IQSEC1: variants seen among roughly 807,000 people sequenced by gnomAD.
IQSEC1 encodes the protein IQ motif and SEC7 domain-containing protein 1.
A neutral mutation model predicts 91.0 loss-of-function variants in IQSEC1; 31 were observed. That is an observed-to-expected ratio of 0.34 (90% CI 0.26 to 0.46). The LOEUF (loss-of-function observed/expected upper bound fraction) is 0.46. Among genes scored for constraint, IQSEC1 ranks in the 20% least tolerant of loss-of-function variants. IQSEC1 has a pLI of 1.00. For missense variants in IQSEC1, 1,388 were observed against 1,575.6 expected, an observed-to-expected ratio of 0.88 and a Z score of 2.02; for synonymous variants, 699 against 662.6, an observed-to-expected ratio of 1.05 and a Z score of -0.84.
At position 12,967,588 on chromosome 3, in the gene IQSEC1, C is replaced by T; in HGVS notation, c.24-25723G>A. On this transcript the variant is annotated intron_variant, in intron 1 of 13. Coordinates refer to ENST00000613206, the MANE Select transcript of IQSEC1 (RefSeq NM_001134382.3). The surrounding 1 kb of genome is among the most constrained non-coding windows in gnomAD (Gnocchi z 5.9). ...GAGACCCGACCACCCGCCACGCGAT[C>T]ACGTCGGGGCTCCTGGTCCAGCGTC... 7.8e-7 allele frequency: 1 copy of T among 1,284,702 alleles called. No homozygotes were observed. The highest frequency in any genetic ancestry group is 9.8e-7 in the Non-Finnish European group (1 of 1,019,472). The allele number at this position is 1,284,702 out of a possible 1,614,324, so 79.6% of individuals were successfully genotyped here.
intron 2 of IQSEC1, among the ~76,000 whole-genome samples, chr3:13,114,088 A>T (rs1706296397): frequency 6.6e-6 from 1 of 152,252 alleles, no homozygotes; most frequent in Admixed American, 6.5e-5. Context: ...TTCTGGAAGG[A>T]AATGCTCCAG....
intron 2 of IQSEC1, among the ~76,000 whole-genome samples, chr3:13,110,741 C>T (rs1377423778): frequency 6.6e-6 from 1 of 152,228 alleles, no homozygotes; most frequent in Non-Finnish European, 1.5e-5. Flanking sequence ...GGCTGCTGAG[C>T]ATCTGCAAGA....
intron 1 of IQSEC1, among the ~76,000 whole-genome samples, chr3:13,194,589 A>G (rs1205474786): frequency 6.6e-6 from 1 of 152,166 alleles, no homozygotes; most frequent in East Asian, 1.9e-4. Flanking sequence ...GCATGTAGTT[A>G]ACATGTAAGG....
chr3:12,946,323 C>T (rs765651102), intron 1 of IQSEC1, among the ~76,000 whole-genome samples: 4 of 152,200 alleles, frequency 2.6e-5, no homozygotes, highest in South Asian at 2.1e-4. Flanking sequence ...TCCTTAACTG[C>T]GCCTCTGAAT....
chr3:12,918,579 G>C (rs1337096573), intron 6 of IQSEC1, among the ~76,000 whole-genome samples: 2 of 152,172 alleles, frequency 1.3e-5, no homozygotes, highest in Non-Finnish European at 2.9e-5. Context: ...ACTTTGGGAG[G>C]CCAGGGTGGG....
At chr3:12,917,950 G>A (rs1696264141) in intron 6 of IQSEC1, among the ~76,000 whole-genome samples, 1 of 152,356 alleles carries the variant, frequency 6.6e-6, no homozygotes, top group African/African-American at 2.4e-5. Context: ...GGACCCACTG[G>A]ACAAACTGCG....
rs1043531544 is a variant in IQSEC1 at position 12,940,928 on chromosome 3, C to T, written c.318+643G>A. 6.6e-6 allele frequency among the ~76,000 whole-genome samples: 1 copy of T among 152,174 alleles called. No individual in the cohort carries two copies. Among genetic ancestry groups the T allele is most frequent in the Non-Finnish European group, 1.5e-5 (1 of 68,020 alleles). Reference sequence around the variant, plus strand: ...CTCCTGGCTCAACCCTGAGAGGCTACCTCTTGTCCTCCCTCAAGCCCAGCC... The same window carrying T: ...CTCCTGGCTCAACCCTGAGAGGCTATCTCTTGTCCTCCCTCAAGCCCAGCC... On this transcript the variant is annotated intron_variant, in intron 2 of 13. Coordinates refer to ENST00000613206, the MANE Select transcript of IQSEC1 (RefSeq NM_001134382.3). This position sits in a 1 kb window ranked among gnomAD's most constrained non-coding sequence, Gnocchi z 4.4.
intron 2 of IQSEC1, among the ~76,000 whole-genome samples, chr3:13,097,272 C>T (rs1705981640): frequency 6.6e-6 from 1 of 152,250 alleles, no homozygotes. Flanking sequence ...GGTACCTTGC[C>T]TCCCACACGA....
At chr3:13,111,241 C>G (rs953811016) in intron 2 of IQSEC1, among the ~76,000 whole-genome samples, 1 of 152,220 alleles carries the variant, frequency 6.6e-6, no homozygotes, top group Non-Finnish European at 1.5e-5. Flanking sequence ...TCACCACACC[C>G]CACTAGCTTG....
chr3:12,905,405 TGACCA>T (rs1445854143), intron 12 of IQSEC1, among the ~76,000 whole-genome samples: 48 of 152,254 alleles, frequency 3.2e-4, no homozygotes, highest in Non-Finnish European at 1.8e-4. Context: ...TCAGTGTCAG[TGACCA>T]TAACAGAAAT....
chr3:12,998,574 C>T (rs1043089166), intron 1 of IQSEC1, among the ~76,000 whole-genome samples: 9 of 151,902 alleles, frequency 5.9e-5, no homozygotes, highest in Non-Finnish European at 1.2e-4. Context: ...TCACTTGAGG[C>T]CAAGAGTTCA....
At chr3:13,229,007 T>G (rs1446052432) in intron 1 of IQSEC1, among the ~76,000 whole-genome samples, 1 of 152,200 alleles carries the variant, frequency 6.6e-6, no homozygotes, top group Non-Finnish European at 1.5e-5. Context: ...CACTAGAGCC[T>G]GGCCTGGTGC....
chr3:13,037,863 G>C (rs900795509), intron 1 of IQSEC1, among the ~76,000 whole-genome samples: 1 of 152,106 alleles, frequency 6.6e-6, no homozygotes, highest in African/African-American at 2.4e-5. Context: ...GGTGAAGGGA[G>C]GGGGGAGTTA....
At chr3:13,024,669 T>TC in intron 1 of IQSEC1, among the ~76,000 whole-genome samples, 1 of 148,678 alleles carries the variant, frequency 6.7e-6, no homozygotes, top group African/African-American at 2.5e-5. Context: ...CATCCGTCCA[T>TC]CCATCCACCC....
At chr3:13,105,950 G>A (rs983765189) in intron 2 of IQSEC1, among the ~76,000 whole-genome samples, 4 of 152,192 alleles carry the variant, frequency 2.6e-5, no homozygotes, top group East Asian at 1.9e-4. Flanking sequence ...GATTTCAGGC[G>A]AAACGCTGGG....
At chr3:13,252,369 G>A (rs1309847188) in intron 1 of IQSEC1, among the ~76,000 whole-genome samples, 1 of 152,228 alleles carries the variant, frequency 6.6e-6, no homozygotes, top group Non-Finnish European at 1.5e-5. Context: ...GCATGTGTCA[G>A]AATGTCCTTT....
intron 1 of IQSEC1, among the ~76,000 whole-genome samples, chr3:13,181,059 C>A (rs1233582396): frequency 2.0e-5 from 3 of 152,172 alleles, no homozygotes; most frequent in Non-Finnish European, 4.4e-5. Context: ...ATCATGAGGT[C>A]AGGAGATTCA....
Position 13,159,408 on chromosome 3 carries a change from A to G in IQSEC1, c.302+4696T>C, listed in dbSNP as rs66619874. On this transcript the variant is annotated intron_variant, in intron 2 of 15. Transcript: ENST00000648114. ...CACGTCACTGCACTCCAGCCTGGACAACAAGAACAAGACCCCATCTCAAAA... is the reference window on the plus strand; with the variant it reads ...CACGTCACTGCACTCCAGCCTGGACGACAAGAACAAGACCCCATCTCAAAA... Among the ~76,000 whole-genome samples, 744 of 152,108 alleles carry G rather than the reference A, an allele frequency of 4.9e-3. 6 individuals are homozygous for G. The highest frequency in any genetic ancestry group is 0.017 in the African/African-American group (691 of 41,552).
At chr3:13,053,705 C>T (rs1465365357) in intron 1 of IQSEC1, among the ~76,000 whole-genome samples, 8 of 152,216 alleles carry the variant, frequency 5.3e-5, no homozygotes, top group East Asian at 1.9e-4. Context: ...GAGGCAGGGA[C>T]GCCTCAGACT....
Sources: gnomAD v4.1 joint callset for allele counts (sites outside exome capture counted in the v4.1 genomes callset) on GRCh38, gnomAD v4.1.1 for gene constraint, Gnocchi (gnomAD v3.1) non-coding constraint, MANE v1.5 for transcripts, NCBI Gene and HGNC (gene_info 2026-07-23, HGNC 2026-07-21) for gene names.